Variants in KCNQ5 observed in about 807,000 individuals in gnomAD.
KCNQ5 encodes the protein potassium voltage-gated channel subfamily Q member 5.
A neutral mutation model predicts 98.2 loss-of-function variants in KCNQ5; 30 were observed. That is an observed-to-expected ratio of 0.31 (90% CI 0.23 to 0.41). The LOEUF (loss-of-function observed/expected upper bound fraction) is 0.41, where lower values mean the gene tolerates loss of function less well. Among genes scored for constraint, KCNQ5 ranks in the 10% least tolerant of loss-of-function variants. The pLI, the probability that KCNQ5 is intolerant of heterozygous loss-of-function variation, is 1.00. For missense variants in KCNQ5, 835 were observed against 1,182.5 expected, an observed-to-expected ratio of 0.71 and a Z score of 4.31; for synonymous variants, 458 against 449.4, an observed-to-expected ratio of 1.02 and a Z score of -0.24.
At chr6:72,819,928 T>C (rs2150112542) in intron 1 of KCNQ5, among the ~76,000 whole-genome samples, 1 of 152,344 alleles carries the variant, frequency 6.6e-6, no homozygotes, top group Middle Eastern at 3.4e-3. Flanking sequence ...CCTGACACTT[T>C]CTGAGCTTCC....
intron 1 of KCNQ5, among the ~76,000 whole-genome samples, chr6:72,920,709 CT>C (rs1194445679): frequency 2.0e-5 from 3 of 152,182 alleles, no homozygotes; most frequent in Non-Finnish European, 4.4e-5. Flanking sequence ...ATTTTTCTTA[CT>C]AAATACCAGC....
At chr6:73,184,255 A>C (rs1376921796) in intron 11 of KCNQ5, among the ~76,000 whole-genome samples, 2 of 152,250 alleles carry the variant, frequency 1.3e-5, no homozygotes, top group Non-Finnish European at 2.9e-5. Flanking sequence ...ATCTAAGGAA[A>C]AAGAAAATTA....
intron 1 of KCNQ5, among the ~76,000 whole-genome samples, chr6:72,656,692 C>T (rs1428913171): frequency 6.6e-6 from 1 of 152,144 alleles, no homozygotes; most frequent in Non-Finnish European, 1.5e-5. Flanking sequence ...ATCCAATAAA[C>T]ATCATAGACT....
chr6:72,982,565 G>C (rs1377516885), intron 1 of KCNQ5, among the ~76,000 whole-genome samples: 2 of 130,192 alleles, frequency 1.5e-5, no homozygotes, highest in Admixed American at 9.2e-5. Flanking sequence ...GCCTATGTGT[G>C]TCTCTGCATG....
intron 1 of KCNQ5, among the ~76,000 whole-genome samples, chr6:72,873,577 T>C (rs969349972): frequency 6.6e-6 from 1 of 152,154 alleles, no homozygotes; most frequent in African/African-American, 2.4e-5. Context: ...AGATGTGATT[T>C]ATTACTGAGT....
At chr6:72,655,519 G>T (rs1209961738) in intron 1 of KCNQ5, among the ~76,000 whole-genome samples, 3 of 152,078 alleles carry the variant, frequency 2.0e-5, no homozygotes, top group East Asian at 1.9e-4. Context: ...GAGGAACGGG[G>T]AGTAAGAAAT....
chr6:72,926,689 C>T (rs749783782), intron 1 of KCNQ5, among the ~76,000 whole-genome samples: 4 of 152,114 alleles, frequency 2.6e-5, no homozygotes, highest in Non-Finnish European at 5.9e-5. Context: ...TGCTGAAAAT[C>T]TGTTCAATTA....
chr6:72,725,698 A>G (rs4707985), intron 1 of KCNQ5, among the ~76,000 whole-genome samples: 38,331 of 152,100 alleles, frequency 0.25, 5,669 homozygotes, highest in East Asian at 0.52. Flanking sequence ...AAAAATGGTC[A>G]GTATGTGAGG....
intron 11 of KCNQ5, among the ~76,000 whole-genome samples, chr6:73,186,883 C>A (rs962495042): frequency 3.9e-5 from 6 of 151,942 alleles, no homozygotes; most frequent in Admixed American, 3.3e-4. Context: ...TGTTGGTGTG[C>A]TGCACCCATT....
intron 1 of KCNQ5, among the ~76,000 whole-genome samples, chr6:72,819,365 C>T (rs899306713): frequency 4.6e-5 from 7 of 151,926 alleles, no homozygotes; most frequent in Admixed American, 3.3e-4. Context: ...TAACTATAGT[C>T]GCCCAGCAAT....
At chr6:72,805,518 A>T (rs1561995188) in intron 1 of KCNQ5, among the ~76,000 whole-genome samples, 1 of 152,016 alleles carries the variant, frequency 6.6e-6, no homozygotes, top group African/African-American at 2.4e-5. Flanking sequence ...ATTCTGTTCC[A>T]TTGATCTATG....
chr6:73,108,543 C>T (rs1433335001), intron 6 of KCNQ5, among the ~76,000 whole-genome samples: 1 of 152,108 alleles, frequency 6.6e-6, no homozygotes, highest in Non-Finnish European at 1.5e-5. Context: ...AACAGGGCAT[C>T]TTGCTGGGCG....
At chr6:72,860,805 G>A (rs949364722) in intron 1 of KCNQ5, among the ~76,000 whole-genome samples, 1 of 151,622 alleles carries the variant, frequency 6.6e-6, no homozygotes, top group African/African-American at 2.4e-5. Context: ...TGGTCTTAAT[G>A]TATTCCTGGC....
At chr6:72,709,098 C>A (rs1402903949) in intron 1 of KCNQ5, among the ~76,000 whole-genome samples, 3 of 152,156 alleles carry the variant, frequency 2.0e-5, no homozygotes, top group Admixed American at 2.0e-4. Flanking sequence ...CCCACCTTGG[C>A]CCCACAAAGG....
intron 1 of KCNQ5, among the ~76,000 whole-genome samples, chr6:72,855,304 A>T (rs1348409256): frequency 6.3e-5 from 1 of 15,862 alleles, no homozygotes; most frequent in African/African-American, 1.5e-4. Context: ...CTAGATACTT[A>T]AAAAAAAAAA....
chr6:72,949,470 A>T (rs12664923), intron 1 of KCNQ5, among the ~76,000 whole-genome samples: 14,353 of 152,204 alleles, frequency 0.094, 803 homozygotes, highest in East Asian at 0.23. Flanking sequence ...TTTAAAGTAG[A>T]TTATGAAACA....
chr6:73,090,425 G>A (rs1201339520), intron 5 of KCNQ5, among the ~76,000 whole-genome samples: 1 of 152,040 alleles, frequency 6.6e-6, no homozygotes, highest in Non-Finnish European at 1.5e-5. Flanking sequence ...TTAAGTACCA[G>A]CAATTTATCT....
intron 1 of KCNQ5, among the ~76,000 whole-genome samples, chr6:72,760,638 G>A (rs1367995191): frequency 6.6e-6 from 1 of 152,028 alleles, no homozygotes; most frequent in Non-Finnish European, 1.5e-5. Context: ...ATATAGACAG[G>A]ATTCCCATGG....
In KCNQ5 at chr6:72,889,177, C is replaced by A. The variant is rs550935183; in HGVS notation, c.399-114731C>A. On this transcript the variant is annotated intron_variant, in intron 1 of 13. Coordinates refer to ENST00000370398, the MANE Select transcript of KCNQ5 (RefSeq NM_019842.4). Reference sequence around the variant, plus strand: ...GGACTTGAATGCAGTAAGGAAAAAACCATGCAAATATCGAATGAACAGTAT... The same window carrying A: ...GGACTTGAATGCAGTAAGGAAAAAAACATGCAAATATCGAATGAACAGTAT... 3.9e-5 allele frequency among the ~76,000 whole-genome samples: 6 copies of A among 152,190 alleles called. No homozygotes were observed. In the East Asian group the frequency reaches 7.7e-4, roughly 20 times the overall value.
Sources: allele counts gnomAD v4.1 joint callset (sites outside exome capture counted in the v4.1 genomes callset), GRCh38; gene constraint gnomAD v4.1.1; transcripts MANE v1.5; gene names NCBI Gene and HGNC (gene_info 2026-07-23, HGNC 2026-07-21).